The following TBPL2 variants were observed in gnomAD, a reference collection of about 807,000 sequenced individuals.
The protein encoded by TBPL2 is TATA-box binding protein like 2, also known as TATA box-binding protein-like 2.
Under a neutral mutation model 38.2 loss-of-function variants are expected in TBPL2, and 40 were observed. The ratio of observed to expected loss-of-function variants is 1.05; its 90% CI spans 0.81 to 1.36. The LOEUF (loss-of-function observed/expected upper bound fraction) is 1.36. Ranked by LOEUF, TBPL2 falls within the 40% of genes most tolerant of loss-of-function variation. The pLI is 0.00. For synonymous variants in TBPL2, 169 were observed against 171.7 expected, an observed-to-expected ratio of 0.98 and a Z score of 0.12; for missense variants, 461 against 456.7, an observed-to-expected ratio of 1.01 and a Z score of -0.09.
chr14:55,437,652 ATTG>A (rs1566595944), intron 1 of TBPL2, among the ~76,000 whole-genome samples: 1 of 152,256 alleles, frequency 6.6e-6, no homozygotes, highest in Non-Finnish European at 1.5e-5. Context: ...CATGCTCTAA[ATTG>A]TTGTATACTT....
intron 4 of TBPL2, among the ~76,000 whole-genome samples, chr14:55,431,060 C>T (rs569431997): frequency 9.2e-5 from 14 of 152,334 alleles, no homozygotes; most frequent in Admixed American, 3.9e-4. Flanking sequence ...CTCACCCATA[C>T]TGGTGTTAAC....
At chr14:55,421,197 A>G (rs1885739515) in intron 6 of TBPL2, among the ~76,000 whole-genome samples, 1 of 152,184 alleles carries the variant, frequency 6.6e-6, no homozygotes, top group South Asian at 2.1e-4. Flanking sequence ...ATTTATTTGT[A>G]ATGATACATG....
rs1310409002 is a variant in TBPL2, at chr14:55,435,935, C to G, written c.609-1G>C. On this transcript the variant is annotated splice_acceptor_variant, in intron 2 of 6. Coordinates refer to ENST00000247219, the Ensembl canonical transcript of TBPL2. LOFTEE classifies it high-confidence loss of function. ...CAGGTTTACAGTGGAAACTATATTC[C>G]TGAAGAAATAAGTCAGTTTAGAAAC... 3.2e-6 allele frequency: 5 copies of G among 1,557,650 alleles called. No individual in the cohort carries two copies. Among genetic ancestry groups the G allele is most frequent in the Non-Finnish European group, 4.3e-6 (5 of 1,156,400 alleles).
chr14:55,435,896 T>C, exon 3 of TBPL2: 1 of 1,579,892 alleles, frequency 6.3e-7, no homozygotes, highest in Non-Finnish European at 8.5e-7. Context: ...TTTCTTCAGA[T>C]CCAACTTACA....
chr14:55,440,003 G>A (rs1017071184), intron 1 of TBPL2, among the ~76,000 whole-genome samples: 3 of 151,052 alleles, frequency 2.0e-5, no homozygotes, highest in African/African-American at 7.3e-5. Flanking sequence ...GGGAGGCTGA[G>A]GCACGAGAAT....
chr14:55,428,723 C>T, intron 5 of TBPL2, 84 bp downstream of exon 5: 1 of 1,370,612 alleles, frequency 7.3e-7, no homozygotes, highest in Non-Finnish European at 9.9e-7. Flanking sequence ...CACAATTTCT[C>T]TGAAAGATAC....
chr14:55,433,566 A>G (rs963077411), intron 4 of TBPL2, 64 bp downstream of exon 4: 2 of 1,472,592 alleles, frequency 1.4e-6, no homozygotes, highest in Non-Finnish European at 9.5e-7. Context: ...CATTAATTCT[A>G]TGCTTCCTTG....
chr14:55,432,543 A>C (rs1194463435), intron 4 of TBPL2, among the ~76,000 whole-genome samples: 1 of 152,140 alleles, frequency 6.6e-6, no homozygotes, highest in Non-Finnish European at 1.5e-5. Context: ...CAAAAGATAA[A>C]TCTCTCCATA....
intron 6 of TBPL2, among the ~76,000 whole-genome samples, chr14:55,421,969 T>C (rs937775701): frequency 3.3e-5 from 5 of 152,192 alleles, no homozygotes; most frequent in African/African-American, 4.8e-5. Context: ...TTTGGAGGAA[T>C]ATACATTTAA....
At chr14:55,439,412 C>G (rs1212971708) in intron 1 of TBPL2, among the ~76,000 whole-genome samples, 1 of 152,064 alleles carries the variant, frequency 6.6e-6, no homozygotes, top group Non-Finnish European at 1.5e-5. Context: ...CAGGGGCTCT[C>G]TGTTTCCCCT....
intron 2 of TBPL2, 44 bp from the exon 3 acceptor site, chr14:55,435,978 AG>A: frequency 1.9e-6 from 2 of 1,065,580 alleles, no homozygotes; most frequent in Non-Finnish European, 2.7e-6. Flanking sequence ...AGATATAAAG[AG>A]TAAAAAAAAA....
chr14:55,419,202 T>TG (rs555777002), intron 6 of TBPL2, among the ~76,000 whole-genome samples: 105 of 152,244 alleles, frequency 6.9e-4, no homozygotes, highest in Non-Finnish European at 1.3e-3. Context: ...GCTCCTCACA[T>TG]GCCTGTTGCC....
At chr14:55,431,556 A>G (rs1428591519) in intron 4 of TBPL2, among the ~76,000 whole-genome samples, 1 of 152,238 alleles carries the variant, frequency 6.6e-6, no homozygotes, top group African/African-American at 2.4e-5. Context: ...TGAAATGAAC[A>G]TTATTACAGA....
At chr14:55,436,571 G>A in exon 2 of TBPL2, 1 of 1,613,714 alleles carries the variant, frequency 6.2e-7, no homozygotes, top group Non-Finnish European at 8.5e-7. Flanking sequence ...TGTAGTTGAG[G>A]TACAATTCCA....
At chr14:55,435,763 G>A in intron 3 of TBPL2, 84 bp downstream of exon 3, 1 of 996,410 alleles carries the variant, frequency 1.0e-6, no homozygotes, top group Non-Finnish European at 1.5e-6. Context: ...AAAAAACAGA[G>A]GAATTAGTCA....
At chr14:55,419,189 C>G (rs1452240968) in intron 6 of TBPL2, among the ~76,000 whole-genome samples, 1 of 152,246 alleles carries the variant, frequency 6.6e-6, no homozygotes, top group Admixed American at 6.5e-5. Flanking sequence ...GCTCTGGAGC[C>G]TGGCTCCTCA....
Position 55,429,073 on chromosome 14 carries a change from T to C in TBPL2, c.789-99A>G, listed in dbSNP as rs577317034. On this transcript the variant is annotated intron_variant, in intron 4 of 6. Coordinates refer to ENST00000247219, the Ensembl canonical transcript of TBPL2. ...GTTACCATTTGTACCACGTTTATCT[T>C]TCAATGTATACTATGAAGCTGTAGG... 70 of 1,420,942 alleles carry C rather than the reference T, an allele frequency of 4.9e-5. No homozygotes were observed. The African/African-American group carries it at 9.6e-4, about 19-fold the overall frequency. The allele number at this position is 1,420,942 out of a possible 1,614,324, so 88.0% of individuals were successfully genotyped here.
chr14:55,436,764 T>C, exon 2 of TBPL2: 1 of 1,614,218 alleles, frequency 6.2e-7, no homozygotes, highest in Non-Finnish European at 8.5e-7. Context: ...CGCTGGGTGA[T>C]GGCAACCTAC....
At chr14:55,416,565 A>G (rs964281563) in intron 6 of TBPL2, among the ~76,000 whole-genome samples, 1 of 152,246 alleles carries the variant, frequency 6.6e-6, no homozygotes, top group Non-Finnish European at 1.5e-5. Context: ...ACTGACACAC[A>G]TAAGAGAAAC....
Sources: gnomAD v4.1 joint callset for allele counts (sites outside exome capture counted in the v4.1 genomes callset) on GRCh38, gnomAD v4.1.1 for gene constraint, MANE v1.5 for transcripts, NCBI Gene and HGNC (gene_info 2026-07-23, HGNC 2026-07-21) for gene names.